Variants in KCNT1 observed in about 807,000 individuals in gnomAD.
KCNT1 encodes potassium sodium-activated channel subfamily T member 1, also known as potassium channel subfamily T member 1.
KCNT1 carries 78 observed loss-of-function variants against 147.8 expected under a neutral mutation model. The ratio of observed to expected loss-of-function variants is 0.53; its 90% CI spans 0.44 to 0.64. The LOEUF (loss-of-function observed/expected upper bound fraction) is 0.64, where lower values mean the gene tolerates loss of function less well. Ranked by LOEUF, KCNT1 falls within the 30% of genes least tolerant of loss-of-function variation. The pLI is 0.00. For missense variants in KCNT1, 1,419 were observed against 1,750.3 expected, an observed-to-expected ratio of 0.81 and a Z score of 3.38; for synonymous variants, 867 against 748.8, an observed-to-expected ratio of 1.16 and a Z score of -2.58.
At chr9:135,748,840 G>A (rs1027693640) in intron 2 of KCNT1, among the ~76,000 whole-genome samples, 2 of 152,198 alleles carry the variant, frequency 1.3e-5, no homozygotes, top group Non-Finnish European at 2.9e-5. Context: ...TGAGGGAGGC[G>A]GGGCACCTCT....
intron 18 of KCNT1, among the ~76,000 whole-genome samples, chr9:135,772,414 A>G (rs995091943): frequency 1.3e-5 from 2 of 152,062 alleles, no homozygotes; most frequent in African/African-American, 4.8e-5. Flanking sequence ...CCCCGAGCCC[A>G]GAATCAGCCA....
chr9:135,731,989 T>TAGAGAGAG (rs1836477165), intron 2 of KCNT1, among the ~76,000 whole-genome samples: 31 of 18,642 alleles, frequency 1.7e-3, no homozygotes, highest in African/African-American at 3.6e-3. Context: ...TATATATATA[T>TAGAGAGAG]ATAGAGAGAG....
intron 29 of KCNT1, chr9:135,790,650 C>G (rs938578233): frequency 6.6e-6 from 1 of 152,424 alleles, no homozygotes; most frequent in Non-Finnish European, 1.5e-5. Flanking sequence ...TGGCCAGCAG[C>G]CTCCCCGACT....
intron 11 of KCNT1, among the ~76,000 whole-genome samples, chr9:135,762,892 A>G (rs1013366877): frequency 2.6e-5 from 4 of 152,256 alleles, no homozygotes; most frequent in African/African-American, 9.6e-5. Flanking sequence ...GGGTATGGCC[A>G]TGGTGACAAG....
intron 1 of KCNT1, among the ~76,000 whole-genome samples, chr9:135,709,558 C>G (rs756116089): frequency 6.6e-6 from 1 of 152,234 alleles, no homozygotes; most frequent in Non-Finnish European, 1.5e-5. Context: ...TCTGTAACCA[C>G]AGCCGATCAC....
rs966415340 is a variant in KCNT1, at chr9:135,792,290, G to C, written c.*129G>C. 1 of 1,229,466 alleles carries C rather than the reference G, an allele frequency of 8.1e-7. No individual in the cohort carries two copies. Among genetic ancestry groups the C allele is most frequent in the Non-Finnish European group, 1.1e-6 (1 of 911,054 alleles). 76.2% of individuals were successfully genotyped at this position (1,229,466 alleles called of 1,614,324 possible). A position where few individuals can be genotyped will look rare whatever the true frequency, so the allele number is the denominator to read the frequency against. On this transcript the variant is annotated 3_prime_UTR_variant, in exon 31 of 31. Transcript: ENST00000371757. ...ACACTCTACTCACCATGGCTCCTGG[G>C]ACTCCACCCTGGAAAGGAGCCCCTC...
intron 2 of KCNT1, among the ~76,000 whole-genome samples, chr9:135,716,441 T>C (rs1450197986): frequency 6.6e-6 from 1 of 152,216 alleles, no homozygotes; most frequent in African/African-American, 2.4e-5. Context: ...TCCCTGATCC[T>C]GGGTGTGGTT....
Position 135,784,052 on chromosome 9 carries a change from C to G in KCNT1, c.2870C>G (p.Ala957Gly). 2 of 1,606,128 alleles carry G rather than the reference C, an allele frequency of 1.2e-6. No individual in the cohort carries two copies. Among genetic ancestry groups the G allele is most frequent in the Non-Finnish European group, 1.7e-6 (2 of 1,179,926 alleles). The change falls in exon 25 of 31, where the codon GCC becomes GGC. Residue 957 changes from alanine to glycine, a missense_variant. Physicochemically the swap from Ala to Gly is moderately conservative, Grantham distance 60 (BLOSUM62 0). Coordinates refer to ENST00000371757, the MANE Select transcript of KCNT1 (RefSeq NM_020822.3). ...KRERENGSNL[A>G]FMFRLPFAAG... The stretch of plus-strand genomic sequence containing the variant: ...GAGCGAGAGAATGGCTCCAACCTGG[C>G]CTTCATGTTCCGCCTGCCGTTCGCC...
chr9:135,720,603 C>T (rs1368929436), intron 2 of KCNT1, among the ~76,000 whole-genome samples: 3 of 152,152 alleles, frequency 2.0e-5, no homozygotes, highest in Non-Finnish European at 2.9e-5. Flanking sequence ...AGGCAGCCTT[C>T]CTCCAGAGGG....
chr9:135,791,461 T>C (rs1834520439), intron 29 of KCNT1: 1 of 309,702 alleles, frequency 3.2e-6, no homozygotes, highest in African/African-American at 2.2e-5. Context: ...CAGGCTGACG[T>C]ACGTGGCAGG....
chr9:135,791,832 GTCC>G lies in KCNT1; in HGVS notation c.3541_3543del (p.Leu1181del), dbSNP rs1834557132. 1.2e-6 allele frequency: 2 copies of G among 1,613,846 alleles called. No individual in the cohort carries two copies. Among genetic ancestry groups the G allele is most frequent in the Non-Finnish European group, 1.7e-6 (2 of 1,179,932 alleles). ...CGACCACCAGAACACCCTCTCCTAC[GTCC>G]TCATCAACCCTCCGCCCGACACGAG... is the stretch of plus-strand genomic sequence containing the variant. On this transcript the variant is annotated inframe_deletion, in exon 30 of 31. Coordinates refer to ENST00000371757, the MANE Select transcript of KCNT1 (RefSeq NM_020822.3).
At chr9:135,780,106 C>T (rs1198951635) in intron 24 of KCNT1, among the ~76,000 whole-genome samples, 1 of 152,232 alleles carries the variant, frequency 6.6e-6, no homozygotes, top group Admixed American at 6.5e-5. Flanking sequence ...GGCACGGGCA[C>T]TGTTGCTGTT....
Position 135,770,122 on chromosome 9 carries a change from C to A in KCNT1, c.1619+67C>A, listed in dbSNP as rs2131506208. ...GCCGGCGCAGGGAGACAACGCAGGG[C>A]CTGCTTGGGGGCGGGGATGGGCTTC... On this transcript the variant is annotated intron_variant, in intron 16 of 30. Coordinates refer to ENST00000371757, the MANE Select transcript of KCNT1 (RefSeq NM_020822.3). 4 of 1,450,362 alleles carry A rather than the reference C, an allele frequency of 2.8e-6. 1 individual carries two copies. In the South Asian group the frequency reaches 5.0e-5, roughly 18 times the overall value. 89.8% of individuals were successfully genotyped at this position (1,450,362 alleles called of 1,614,324 possible). A position where few individuals can be genotyped will look rare whatever the true frequency, so the allele number is the denominator to read the frequency against.
At chr9:135,737,974 C>G (rs756164731) in intron 2 of KCNT1, among the ~76,000 whole-genome samples, 2 of 152,206 alleles carry the variant, frequency 1.3e-5, no homozygotes, top group Admixed American at 6.5e-5. Context: ...TCCCCTCCCC[C>G]TCCTCTTCCT....
At chr9:135,736,891 G>A (rs185752395) in intron 2 of KCNT1, 3 of 282,208 alleles carry the variant, frequency 1.1e-5, no homozygotes, top group Non-Finnish European at 1.3e-5. Flanking sequence ...CCCGGGGAAG[G>A]GGGGAGGCCA....
Position 135,731,991 on chromosome 9 carries a change from T to TAGAGAGAGAGAGAG in KCNT1, c.254+17308_254+17321dup, listed in dbSNP as rs1189149987. On this transcript the variant is annotated intron_variant, in intron 2 of 30. Transcript: ENST00000371757. ...ATATATATATATATATATATATATA[T>TAGAGAGAGAGAGAG]AGAGAGAGAGAGAGAGAGAGAGAGA... Among the ~76,000 whole-genome samples the TAGAGAGAGAGAGAG allele has an allele frequency of 2.3e-3, 50 of 21,676 alleles. 2 individuals carry two copies. The highest frequency in any genetic ancestry group is 2.9e-3 in the Non-Finnish European group (35 of 11,934). The allele number at this position is 21,676 out of a possible 152,430, so 14.2% of individuals were successfully genotyped here.
intron 1 of KCNT1, among the ~76,000 whole-genome samples, chr9:135,702,757 C>T (rs1835083302): frequency 6.6e-6 from 1 of 152,084 alleles, no homozygotes; most frequent in African/African-American, 2.4e-5. Context: ...TTCCATCCTT[C>T]TTGTGTGGCA....
intron 1 of KCNT1, among the ~76,000 whole-genome samples, chr9:135,711,944 G>A (rs926681240): frequency 1.3e-5 from 2 of 152,194 alleles, no homozygotes; most frequent in Non-Finnish European, 2.9e-5. Flanking sequence ...TCCTATAAGG[G>A]AACAGGCATC....
chr9:135,744,713 CCCAGGG>C (rs1043967144), intron 2 of KCNT1, among the ~76,000 whole-genome samples: 3 of 152,332 alleles, frequency 2.0e-5, no homozygotes, highest in Admixed American at 6.5e-5. Context: ...TGACGGCTCT[CCCAGGG>C]CCAGGGCCAG....
Sources: allele counts gnomAD v4.1 joint callset (sites outside exome capture counted in the v4.1 genomes callset), GRCh38; gene constraint gnomAD v4.1.1; transcripts MANE v1.5; gene names NCBI Gene and HGNC (gene_info 2026-07-23, HGNC 2026-07-21).